Variants in MFSD11 observed in about 807,000 individuals in gnomAD.
The protein encoded by MFSD11 is major facilitator superfamily domain containing 11, also known as UNC93-like protein MFSD11.
MFSD11 carries 36 observed loss-of-function variants against 53.5 expected under a neutral mutation model. The observed-to-expected ratio is 0.67, with a 90% CI of 0.52 to 0.89. The LOEUF is 0.89. MFSD11 is among the 40% of genes least tolerant of loss of function. MFSD11 has a pLI of 0.00. For synonymous variants in MFSD11, 186 were observed against 184.9 expected (o/e 1.01, Z -0.05); for missense variants, 530 against 543.9 (o/e 0.97, Z 0.25).
intron 7 of MFSD11, among the ~76,000 whole-genome samples, chr17:76,752,742 G>T (rs2079170056): frequency 6.6e-6 from 1 of 152,138 alleles, no homozygotes; most frequent in South Asian, 2.1e-4. Context: ...AAAATTGCAG[G>T]TTGCGACGAA....
At chr17:76,747,722 C>G (rs973888134) in intron 7 of MFSD11, among the ~76,000 whole-genome samples, 5 of 152,138 alleles carry the variant, frequency 3.3e-5, no homozygotes, top group Non-Finnish European at 5.9e-5. Flanking sequence ...ACTGACCCCC[C>G]CATTCAGCCA....
At chr17:76,796,191 C>G in the MFSD11 span, among the ~76,000 whole-genome samples, 1 of 152,140 alleles carries the variant, frequency 6.6e-6, no homozygotes, top group African/African-American at 2.4e-5. Flanking sequence ...GGAATGACCT[C>G]TCTTTCTCCT....
Position 76,776,382 on chromosome 17 carries a change from TA to T in MFSD11, c.1050-21del, listed in dbSNP as rs1555678990. 6.2e-7 allele frequency: 1 copy of T among 1,611,004 alleles called. No homozygotes were observed. Among genetic ancestry groups the T allele is most frequent in the African/African-American group, 1.3e-5 (1 of 74,796 alleles). ...TGGCTCTAGCAGATATTGCTCATAC[TA>T]AATTGATTTTTATTTTCTTCAGCAA... On this transcript the variant is annotated intron_variant, in intron 11 of 12. Transcript: ENST00000685175. This position sits in a 1 kb window ranked among gnomAD's most constrained non-coding sequence, Gnocchi z 4.2.
chr17:76,803,395 T>C, the MFSD11 span, among the ~76,000 whole-genome samples: 2 of 152,220 alleles, frequency 1.3e-5, no homozygotes, highest in Non-Finnish European at 2.9e-5. Context: ...ACAAAGTTCC[T>C]TCTTGCCTGG....
rs1251979423 is a variant in MFSD11 at position 76,761,680 on chromosome 17, T to C, written c.683-5706T>C. 2.0e-5 allele frequency among the ~76,000 whole-genome samples: 3 copies of C among 152,152 alleles called. No homozygotes were observed. In the East Asian group the frequency reaches 5.8e-4, roughly 29 times the overall value. ...GCTCACGCCTGTAATCCCAGCACTT[T>C]GGGAGGCCGAGGCGGGCGGATCATG... On this transcript the variant is annotated intron_variant, in intron 8 of 12. Transcript: ENST00000685175.
intron 10 of MFSD11, among the ~76,000 whole-genome samples, chr17:76,772,619 G>T (rs927571029): frequency 6.7e-6 from 1 of 150,154 alleles, no homozygotes; most frequent in Non-Finnish European, 1.5e-5. Flanking sequence ...TGGGATTCAA[G>T]CAATTCTTCT....
Position 76,738,366 on chromosome 17 carries a change from C to T in MFSD11, c.14C>T (p.Ser5Phe). ...AGCTGAGCCAAAATGTCCCCGGAAT[C>T]TAAAAAGCTTTTCAACATCATTATT... The part of the protein sequence containing the change: MSPE[S>F]KKLFNIIILG... Residue 5 changes from serine to phenylalanine, a missense_variant, in exon 1 of 13, where the codon TCT becomes TTT. Ser to Phe is a radical substitution (Grantham distance 155, BLOSUM62 -2). Transcript: ENST00000685175. The T allele has an allele frequency of 1.2e-6, 2 of 1,614,004 alleles. No homozygotes were observed. Among genetic ancestry groups the T allele is most frequent in the Non-Finnish European group, 8.5e-7 (1 of 1,179,878 alleles).
chr17:76,736,850 C>G (rs1171986197), upstream of MFSD11: 2 of 1,606,302 alleles, frequency 1.2e-6, no homozygotes, highest in Non-Finnish European at 1.7e-6. Flanking sequence ...GGGTGGCGGT[C>G]CCCGGCGGCT....
the MFSD11 span, among the ~76,000 whole-genome samples, chr17:76,791,070 G>T: frequency 1.3e-5 from 2 of 148,756 alleles, no homozygotes; most frequent in Admixed American, 6.7e-5. Flanking sequence ...GGTCAAACTT[G>T]ACCTTCTTTT....
intron 8 of MFSD11, among the ~76,000 whole-genome samples, chr17:76,760,481 A>G (rs929139085): frequency 2.0e-5 from 3 of 151,674 alleles, no homozygotes; most frequent in African/African-American, 7.3e-5. Context: ...ATGTTGTTCA[A>G]GGGTCAACTG....
At chr17:76,774,263 T>G (rs1456330238) in intron 10 of MFSD11, among the ~76,000 whole-genome samples, 1 of 152,114 alleles carries the variant, frequency 6.6e-6, no homozygotes, top group East Asian at 1.9e-4. Flanking sequence ...TTTTCTTTCT[T>G]TTTTTAAAAA....
Position 76,754,032 on chromosome 17 carries a change from A to G in MFSD11, c.642-15A>G, listed in dbSNP as rs1346085124. ...CAAAAAGAAAAAACTTATTTTTTAC[A>G]TTTTATTTTCTCAGGTCTGCCCAGA... is the stretch of plus-strand genomic sequence containing the variant. On this transcript the variant is annotated splice_polypyrimidine_tract_variant and intron_variant, in intron 7 of 12. Coordinates refer to ENST00000685175, the MANE Select transcript of MFSD11 (RefSeq NM_001242532.5). 3 of 1,596,886 alleles carry G rather than the reference A, an allele frequency of 1.9e-6. No individual in the cohort carries two copies. The highest frequency in any genetic ancestry group is 2.6e-6 in the Non-Finnish European group (3 of 1,172,710).
chr17:76,754,132 A>AT lies in MFSD11; in HGVS notation c.682+45_682+46insT, dbSNP rs756783774. 43 of 1,316,484 alleles carry AT rather than the reference A, an allele frequency of 3.3e-5. 1 individual carries two copies. The East Asian group carries it at 8.9e-4, about 27-fold the overall frequency. The allele number at this position is 1,316,484 out of a possible 1,614,324, so 81.6% of individuals were successfully genotyped here. On this transcript the variant is annotated intron_variant, in intron 8 of 12. Coordinates refer to ENST00000685175, the MANE Select transcript of MFSD11 (RefSeq NM_001242532.5). ...GAAATGCAAGAACTGTTCAGGAACA[A>AT]CTCGGCATTTGCCTTTCCCCTATTC...
rs552105399 is a variant in MFSD11 at position 76,765,118 on chromosome 17, A to T, written c.683-2268A>T. Among the ~76,000 whole-genome samples the T allele has an allele frequency of 3.3e-5, 5 of 152,066 alleles. No individual in the cohort carries two copies. In the East Asian group the frequency reaches 9.6e-4, roughly 29 times the overall value. On this transcript the variant is annotated intron_variant, in intron 8 of 12. Coordinates refer to ENST00000685175, the MANE Select transcript of MFSD11 (RefSeq NM_001242532.5). ...AAAATTTACTCCTATATTTTCTTTTAAAAGTTTTTTTAGTTTTAGCTCTTA... is the reference window on the plus strand; with the variant it reads ...AAAATTTACTCCTATATTTTCTTTTTAAAGTTTTTTTAGTTTTAGCTCTTA...
At chr17:76,767,908 C>T (rs1275539173) in intron 9 of MFSD11, among the ~76,000 whole-genome samples, 1 of 152,180 alleles carries the variant, frequency 6.6e-6, no homozygotes, top group African/African-American at 2.4e-5. Context: ...ACACAAGGTT[C>T]AGAAAAACCA....
In MFSD11 at chr17:76,778,422, C is replaced by T. The variant is rs571435424; in HGVS notation, c.*70C>T. 9.3e-5 allele frequency: 138 copies of T among 1,480,414 alleles called. 1 individual carries two copies. Among genetic ancestry groups the T allele is most frequent in the South Asian group, 1.9e-4 (16 of 85,366 alleles). 91.7% of individuals were successfully genotyped at this position (1,480,414 alleles called of 1,614,324 possible). A position where few individuals can be genotyped will look rare whatever the true frequency, so the allele number is the denominator to read the frequency against. On this transcript the variant is annotated 3_prime_UTR_variant, in exon 13 of 13. Coordinates refer to ENST00000685175, the MANE Select transcript of MFSD11 (RefSeq NM_001242532.5). The stretch of plus-strand genomic sequence containing the variant: ...GGACACAGAGCTTGGTGGAAGAAGT[C>T]GCCTTTGATCTTCACTATATATTGG...
chr17:76,737,299 G>A (rs184792585), upstream of MFSD11: 2,512 of 1,200,758 alleles, frequency 2.1e-3, 26 homozygotes, highest in Admixed American at 0.019. Context: ...AGCACGGACG[G>A]GCTCCGCAGG....
chr17:76,771,587 G>A (rs897982065), intron 10 of MFSD11, among the ~76,000 whole-genome samples: 3 of 152,210 alleles, frequency 2.0e-5, no homozygotes, highest in Non-Finnish European at 4.4e-5. Flanking sequence ...TGGGTAAAGC[G>A]GACTTTGGAG....
the MFSD11 span, among the ~76,000 whole-genome samples, chr17:76,789,081 G>T: frequency 2.7e-5 from 4 of 149,956 alleles, no homozygotes; most frequent in Non-Finnish European, 5.9e-5. Flanking sequence ...GGCGGAGGTT[G>T]CAGTGAGCTG....
Sources: allele counts gnomAD v4.1 joint callset (sites outside exome capture counted in the v4.1 genomes callset), GRCh38; gene constraint gnomAD v4.1.1; non-coding constraint Gnocchi (gnomAD v3.1); transcripts MANE v1.5; gene names NCBI Gene and HGNC (gene_info 2026-07-23, HGNC 2026-07-21).